XIRP2: variants seen among roughly 807,000 people sequenced by gnomAD.
XIRP2 encodes xin actin binding repeat containing 2.
In XIRP2, 236 loss-of-function variants were observed where a neutral mutation model predicts 277.0. That is an observed-to-expected ratio of 0.85 (90% CI 0.77 to 0.95). XIRP2 has a LOEUF of 0.95. Ranked by LOEUF, XIRP2 falls within the 40% of genes least tolerant of loss-of-function variation. The pLI, the probability that XIRP2 is intolerant of heterozygous loss-of-function variation, is 0.00. For synonymous variants in XIRP2, 1,490 were observed against 1,416.5 expected, an observed-to-expected ratio of 1.05 and a Z score of -1.17; for missense variants, 4,640 against 4,157.5, an observed-to-expected ratio of 1.12 and a Z score of -3.19.
intron 1 of XIRP2, among the ~76,000 whole-genome samples, chr2:166,899,080 C>T (rs1018882190): frequency 9.2e-5 from 14 of 152,020 alleles, no homozygotes; most frequent in Admixed American, 6.6e-4. Flanking sequence ...GTGTGTTTCT[C>T]TCTTTCATTT....
At chr2:167,017,879 GT>G (rs1687875327) in intron 2 of XIRP2, among the ~76,000 whole-genome samples, 1 of 151,944 alleles carries the variant, frequency 6.6e-6, no homozygotes, top group South Asian at 2.1e-4. Context: ...AGAGTCCCCA[GT>G]TTTCCCAACC....
intron 4 of XIRP2, among the ~76,000 whole-genome samples, chr2:167,217,166 G>A (rs1483541376): frequency 1.3e-5 from 2 of 149,442 alleles, no homozygotes; most frequent in Non-Finnish European, 3.0e-5. Context: ...GTAGCATTGG[G>A]AGATATACCT....
intron 2 of XIRP2, among the ~76,000 whole-genome samples, chr2:166,956,070 T>C (rs1303347518): frequency 1.3e-5 from 2 of 151,820 alleles, no homozygotes; most frequent in African/African-American, 4.8e-5. Context: ...TTTTCATCTT[T>C]CTTGGTCAAT....
At chr2:167,181,448 C>T (rs1315327565) in intron 3 of XIRP2, among the ~76,000 whole-genome samples, 1 of 152,214 alleles carries the variant, frequency 6.6e-6, no homozygotes, top group African/African-American at 2.4e-5. Context: ...TCCTCTTCCT[C>T]TTTGTCTTCT....
At position 167,245,213 on chromosome 2, in the gene XIRP2, AG is replaced by A; in HGVS notation, c.3825del (p.Cys1276AlafsTer9). ...VTDIQGGDVR[K>X]GCFIFETFSL... Reference sequence around the variant, plus strand: ...GACATACAAGGTGGGGATGTAAGAAAGGGGTGCTTTATTTTTGAGACTTTTT... The same window carrying A: ...GACATACAAGGTGGGGATGTAAGAAAGGGTGCTTTATTTTTGAGACTTTTT... On this transcript the variant is annotated frameshift_variant, in exon 9 of 11. Coordinates refer to ENST00000409195, the MANE Select transcript of XIRP2 (RefSeq NM_152381.6). LOFTEE classifies it high-confidence loss of function. 1 of 1,613,776 alleles carries A rather than the reference AG, an allele frequency of 6.2e-7. No homozygotes were observed. Among genetic ancestry groups the A allele is most frequent in the Non-Finnish European group, 8.5e-7 (1 of 1,179,758 alleles).
chr2:166,934,027 A>G (rs1032501903), intron 2 of XIRP2, among the ~76,000 whole-genome samples: 1 of 152,032 alleles, frequency 6.6e-6, no homozygotes, highest in African/African-American at 2.4e-5. Context: ...GAGTGTGAGG[A>G]TAGACCTTAA....
chr2:167,247,535 AT>A lies in XIRP2; in HGVS notation c.6145del (p.Ser2049HisfsTer31), dbSNP rs1695316741. 1 of 1,613,640 alleles carries A rather than the reference AT, an allele frequency of 6.2e-7. No homozygotes were observed. The highest frequency in any genetic ancestry group is 8.5e-7 in the Non-Finnish European group (1 of 1,179,798). On this transcript the variant is annotated frameshift_variant, in exon 9 of 11. Transcript: ENST00000409195. LOFTEE classifies it high-confidence loss of function. ...GAGAAAAGCCTTAGAAGACTATCTA[AT>A]TCACACCATAAATCTAATGTTTTGG... ...ALEKSLRRLS[N>X]SHHKSNVLES... is the part of the protein sequence containing the mutation.
intron 2 of XIRP2, among the ~76,000 whole-genome samples, chr2:167,035,311 C>A (rs1688480443): frequency 6.6e-6 from 1 of 152,184 alleles, no homozygotes; most frequent in Non-Finnish European, 1.5e-5. Context: ...AAGTTTGGAA[C>A]TTCCTAGAGA....
intron 2 of XIRP2, among the ~76,000 whole-genome samples, chr2:167,016,233 T>G (rs1687825519): frequency 6.6e-6 from 1 of 151,852 alleles, no homozygotes; most frequent in South Asian, 2.1e-4. Flanking sequence ...AATAACAATC[T>G]CTGTTGATTA....
intron 2 of XIRP2, among the ~76,000 whole-genome samples, chr2:166,921,917 A>C (rs1350588776): frequency 6.6e-6 from 1 of 152,160 alleles, no homozygotes; most frequent in African/African-American, 2.4e-5. Flanking sequence ...GGCTTGTGCC[A>C]GCTCCTCTGG....
chr2:167,092,971 T>G (rs1044768816), intron 2 of XIRP2, among the ~76,000 whole-genome samples: 1 of 152,134 alleles, frequency 6.6e-6, no homozygotes, highest in African/African-American at 2.4e-5. Flanking sequence ...AATTATTTAT[T>G]AATATGTTCT....
intron 2 of XIRP2, among the ~76,000 whole-genome samples, chr2:167,018,696 A>C (rs16852863): frequency 0.14 from 20,861 of 151,956 alleles, 1,947 homozygotes; most frequent in East Asian, 0.45. Context: ...TGCTCCTTGA[A>C]GCAAATCTGA....
At chr2:167,089,184 G>A (rs967824402) in intron 2 of XIRP2, among the ~76,000 whole-genome samples, 1 of 152,112 alleles carries the variant, frequency 6.6e-6, no homozygotes, top group African/African-American at 2.4e-5. Flanking sequence ...AGCATCACAT[G>A]TAGAGAGGAC....
chr2:167,242,857 T>C lies in XIRP2; in HGVS notation c.1465T>C (p.Tyr489His), dbSNP rs771710811. Residue 489 changes from tyrosine to histidine, a missense_variant, in exon 9 of 11, where the codon TAT (tyrosine) becomes CAT (histidine). Coordinates refer to ENST00000409195, the MANE Select transcript of XIRP2 (RefSeq NM_152381.6). ...AAGACTACCAGTCCCCAAAGATGTA[T>C]ATTCCAAGCAAAGAAATTTGTATGA... ...PRRLPVPKDV[Y>H]SKQRNLYELN... 2.7e-5 allele frequency: 44 copies of C among 1,614,032 alleles called. No homozygotes were observed. Among genetic ancestry groups the C allele is most frequent in the South Asian group, 6.6e-5 (6 of 91,088 alleles).
intron 2 of XIRP2, among the ~76,000 whole-genome samples, chr2:167,127,489 C>T (rs1395143713): frequency 6.6e-6 from 1 of 152,178 alleles, no homozygotes. Flanking sequence ...CTACTGCCTT[C>T]ACCAGATAAT....
intron 1 of XIRP2, among the ~76,000 whole-genome samples, chr2:166,891,991 G>A (rs957947323): frequency 6.6e-6 from 1 of 152,112 alleles, no homozygotes; most frequent in Non-Finnish European, 1.5e-5. Flanking sequence ...CCTTCAGCTT[G>A]CCGATGCTGA....
At chr2:167,028,939 G>C (rs954241919) in intron 2 of XIRP2, among the ~76,000 whole-genome samples, 1 of 151,526 alleles carries the variant, frequency 6.6e-6, no homozygotes, top group East Asian at 2.0e-4. Flanking sequence ...AAATACCTCA[G>C]AGTCTCTCAA....
chr2:167,069,437 C>T (rs1689383787), intron 2 of XIRP2, among the ~76,000 whole-genome samples: 1 of 152,182 alleles, frequency 6.6e-6, no homozygotes, highest in African/African-American at 2.4e-5. Flanking sequence ...TTTTTCATCA[C>T]AAATATAGCA....
chr2:166,988,225 TACC>T (rs1687065865), intron 2 of XIRP2, among the ~76,000 whole-genome samples: 1 of 152,136 alleles, frequency 6.6e-6, no homozygotes. Flanking sequence ...TATTGCCAAA[TACC>T]TGTAAACTCA....
Sources: gnomAD v4.1 joint callset for allele counts (sites outside exome capture counted in the v4.1 genomes callset) on GRCh38, gnomAD v4.1.1 for gene constraint, MANE v1.5 for transcripts, NCBI Gene and HGNC (gene_info 2026-07-23, HGNC 2026-07-21) for gene names.